The following TRABD2B variants were observed in gnomAD, a reference collection of about 807,000 sequenced individuals.
TRABD2B encodes the protein metalloprotease TIKI2.
Under a neutral mutation model 40.1 loss-of-function variants are expected in TRABD2B, and 14 were observed. The ratio of observed to expected loss-of-function variants is 0.35; its 90% CI spans 0.23 to 0.55. The LOEUF (loss-of-function observed/expected upper bound fraction) is 0.55. TRABD2B is among the 20% of genes least tolerant of loss of function. TRABD2B has a pLI of 0.90. For synonymous variants in TRABD2B, 263 were observed against 277.0 expected (o/e 0.95, Z 0.50); for missense variants, 541 against 648.6 (o/e 0.83, Z 1.80).
At chr1:47,766,858 A>G (rs1644311334) in intron 6 of TRABD2B, among the ~76,000 whole-genome samples, 1 of 152,340 alleles carries the variant, frequency 6.6e-6, no homozygotes, top group African/African-American at 2.4e-5. Context: ...AACAGAATCT[A>G]GTTTTGGAAA....
chr1:47,929,156 G>A (rs540734944), intron 2 of TRABD2B, among the ~76,000 whole-genome samples: 27 of 152,304 alleles, frequency 1.8e-4, no homozygotes, highest in African/African-American at 6.3e-4. Context: ...TTTTCCTGCA[G>A]AACTGGGACT....
intron 2 of TRABD2B, among the ~76,000 whole-genome samples, chr1:47,902,475 G>A (rs1312983106): frequency 6.6e-6 from 1 of 152,124 alleles, no homozygotes; most frequent in Non-Finnish European, 1.5e-5. Flanking sequence ...GGCCAGCACT[G>A]GGCAACTCGA....
At position 47,780,227 on chromosome 1, in the gene TRABD2B, C is replaced by G. The variant is rs1369603229; in HGVS notation, c.989-1683G>C. ...GCTTGGAATGTCAGAGGGCTCTAGT[C>G]TGGCAACCACCACACTTACTCTGAG... On this transcript the variant is annotated intron_variant, in intron 4 of 6. Transcript: ENST00000606738. Among the ~76,000 whole-genome samples the G allele has an allele frequency of 2.0e-5, 3 of 152,164 alleles. No individual in the cohort carries two copies. The East Asian group carries it at 5.8e-4, about 29-fold the overall frequency.
At chr1:47,947,140 T>C (rs1645270300) in intron 2 of TRABD2B, among the ~76,000 whole-genome samples, 1 of 152,212 alleles carries the variant, frequency 6.6e-6, no homozygotes, top group East Asian at 1.9e-4. Flanking sequence ...CACATTATTC[T>C]CAAAAGCAAG....
Position 47,801,630 on chromosome 1 carries a change from G to C in TRABD2B, c.667-11C>G. The C allele has an allele frequency of 6.5e-7, 1 of 1,535,126 alleles. No homozygotes were observed. The highest frequency in any genetic ancestry group is 8.7e-7 in the Non-Finnish European group (1 of 1,146,246). ...CAGGGCAAACAGCACCTGGGCCGAG[G>C]AAAGAGAGAGGAATGAGGGCTGTGC... is the stretch of plus-strand genomic sequence containing the variant. On this transcript the variant is annotated splice_polypyrimidine_tract_variant and intron_variant, in intron 2 of 6. Coordinates refer to ENST00000606738, the MANE Select transcript of TRABD2B (RefSeq NM_001194986.2).
chr1:47,786,189 C>T (rs1165534100), intron 4 of TRABD2B, among the ~76,000 whole-genome samples: 1 of 152,250 alleles, frequency 6.6e-6, no homozygotes, highest in Non-Finnish European at 1.5e-5. Flanking sequence ...AACTGATCTG[C>T]CCAAGGCGAC....
intron 2 of TRABD2B, among the ~76,000 whole-genome samples, chr1:47,815,440 C>A (rs1412606801): frequency 1.3e-5 from 2 of 152,196 alleles, no homozygotes; most frequent in African/African-American, 4.8e-5. Context: ...CTGCTCCAGC[C>A]TTTTAGCTCC....
chr1:47,868,461 G>C (rs539109614), intron 2 of TRABD2B, among the ~76,000 whole-genome samples: 1 of 152,156 alleles, frequency 6.6e-6, no homozygotes, highest in Non-Finnish European at 1.5e-5. Context: ...GGCCTGCGAG[G>C]AACTGGGCCA....
At chr1:47,837,230 C>T (rs569114391) in intron 2 of TRABD2B, among the ~76,000 whole-genome samples, 1 of 152,310 alleles carries the variant, frequency 6.6e-6, no homozygotes, top group East Asian at 1.9e-4. Context: ...CAGCCAGGGC[C>T]AGCAGTACAG....
At chr1:47,943,863 G>A (rs1008187936) in intron 2 of TRABD2B, among the ~76,000 whole-genome samples, 1 of 151,694 alleles carries the variant, frequency 6.6e-6, no homozygotes, top group East Asian at 1.9e-4. Flanking sequence ...AGAATTTACT[G>A]GAACTCAACC....
At chr1:47,988,117 G>A (rs968319394) in intron 2 of TRABD2B, among the ~76,000 whole-genome samples, 2 of 152,150 alleles carry the variant, frequency 1.3e-5, no homozygotes, top group African/African-American at 4.8e-5. Flanking sequence ...GGCTGCCACA[G>A]AGGCCCAGAG....
intron 2 of TRABD2B, among the ~76,000 whole-genome samples, chr1:47,852,622 G>A (rs1643826469): frequency 6.6e-6 from 1 of 152,190 alleles, no homozygotes; most frequent in Non-Finnish European, 1.5e-5. Context: ...CGCTGTGATT[G>A]CCCGAGCTCC....
chr1:47,868,281 C>A (rs563859099), intron 2 of TRABD2B, among the ~76,000 whole-genome samples: 41 of 152,250 alleles, frequency 2.7e-4, no homozygotes, highest in African/African-American at 9.1e-4. Flanking sequence ...CCTAATCTAG[C>A]ATCTGACATA....
chr1:47,916,296 A>G (rs1644829725), intron 2 of TRABD2B, among the ~76,000 whole-genome samples: 1 of 151,886 alleles, frequency 6.6e-6, no homozygotes, highest in Non-Finnish European at 1.5e-5. Flanking sequence ...TTCATTCAAC[A>G]CTCCAACATC....
intron 2 of TRABD2B, among the ~76,000 whole-genome samples, chr1:47,936,620 A>C (rs1570321802): frequency 1.3e-5 from 2 of 152,200 alleles, no homozygotes; most frequent in South Asian, 2.1e-4. Flanking sequence ...GTTTGCCACT[A>C]TATTTCGGAT....
At chr1:47,804,177 C>A (rs921286962) in intron 2 of TRABD2B, among the ~76,000 whole-genome samples, 3 of 152,220 alleles carry the variant, frequency 2.0e-5, no homozygotes, top group Non-Finnish European at 2.9e-5. Flanking sequence ...CCCCCACCAC[C>A]CCCTACCCAA....
chr1:47,934,283 T>C (rs1645076811), intron 2 of TRABD2B, among the ~76,000 whole-genome samples: 2 of 152,212 alleles, frequency 1.3e-5, no homozygotes, highest in African/African-American at 4.8e-5. Flanking sequence ...ACCTCACACC[T>C]ATGCAGGGCC....
chr1:47,990,810 T>C (rs1278605986), intron 2 of TRABD2B, among the ~76,000 whole-genome samples: 2 of 81,904 alleles, frequency 2.4e-5, no homozygotes, highest in Non-Finnish European at 4.8e-5. Context: ...TATATATATA[T>C]ATATATATAT....
chr1:47,773,334 T>C lies in TRABD2B; in HGVS notation c.1349+1836A>G, dbSNP rs539882984. 4.7e-3 allele frequency among the ~76,000 whole-genome samples: 713 copies of C among 152,396 alleles called. 6 individuals are homozygous for C. The highest frequency in any genetic ancestry group is 6.1e-3 in the Non-Finnish European group (416 of 68,044). On this transcript the variant is annotated intron_variant, in intron 6 of 6. Transcript: ENST00000606738. ...CCGATTAGAAGGGGGAGGCCCATGCTGGGCACGTGAACCAAATGTGTCATA... is the reference window on the plus strand; with the variant it reads ...CCGATTAGAAGGGGGAGGCCCATGCCGGGCACGTGAACCAAATGTGTCATA...
Sources: gnomAD v4.1 joint callset for allele counts (sites outside exome capture counted in the v4.1 genomes callset) on GRCh38, gnomAD v4.1.1 for gene constraint, MANE v1.5 for transcripts, NCBI Gene and HGNC (gene_info 2026-07-23, HGNC 2026-07-21) for gene names.